Variants in POU2F2 observed in about 807,000 individuals in gnomAD.
POU2F2 encodes POU class 2 homeobox 2.
POU2F2 carries 14 observed loss-of-function variants against 63.5 expected under a neutral mutation model. That is an observed-to-expected ratio of 0.22 (90% confidence interval 0.15 to 0.34). The LOEUF is 0.34. Ranked by LOEUF, POU2F2 falls within the 10% of genes least tolerant of loss-of-function variation. POU2F2 has a pLI of 1.00. For missense variants in POU2F2, 607 were observed against 815.2 expected (o/e 0.74, Z 3.11); for synonymous variants, 306 against 348.6 (o/e 0.88, Z 1.36).
At chr19:42,140,803 T>G (rs986325577) in intron 2 of POU2F2, among the ~76,000 whole-genome samples, 1 of 152,234 alleles carries the variant, frequency 6.6e-6, no homozygotes, top group Non-Finnish European at 1.5e-5. Flanking sequence ...TGGCATATAG[T>G]TGATGCTTGA....
At chr19:42,101,675 T>C (rs2077146632) in intron 5 of POU2F2, among the ~76,000 whole-genome samples, 1 of 152,268 alleles carries the variant, frequency 6.6e-6, no homozygotes. Context: ...CAAACTAATA[T>C]AGGCGCTATC....
At chr19:42,165,128 G>C (rs927154741) in intron 1 of POU2F2, among the ~76,000 whole-genome samples, 6 of 152,162 alleles carry the variant, frequency 3.9e-5, no homozygotes, top group African/African-American at 1.4e-4. Flanking sequence ...TAGGTACTTA[G>C]TGGAGGCACC....
In POU2F2 at chr19:42,090,270, C is replaced by T. The variant is rs1309801161; in HGVS notation, c.*987G>A. ...CAACTGAATGCCCTCAACTGAATGTCTTCATCCCCTCTTGCCTGAAATTTC... is the reference window on the plus strand; with the variant it reads ...CAACTGAATGCCCTCAACTGAATGTTTTCATCCCCTCTTGCCTGAAATTTC... On this transcript the variant is annotated 3_prime_UTR_variant, in exon 15 of 15. Coordinates refer to ENST00000692977, the MANE Select transcript of POU2F2 (RefSeq NM_001394376.1). The surrounding 1 kb of genome is among the most constrained non-coding windows in gnomAD (Gnocchi z 4.4). 1 of 152,390 alleles carries T rather than the reference C, an allele frequency of 6.6e-6. No homozygotes were observed. The highest frequency in any genetic ancestry group is 6.6e-5 in the Admixed American group (1 of 15,258). 9.4% of individuals were successfully genotyped at this position (152,390 alleles called of 1,614,324 possible).
At chr19:42,146,914 C>T (rs552713707) in intron 2 of POU2F2, among the ~76,000 whole-genome samples, 4 of 152,276 alleles carry the variant, frequency 2.6e-5, no homozygotes, top group Admixed American at 6.5e-5. Flanking sequence ...ATTCCAAAAG[C>T]GCTGTCTGAT....
chr19:42,133,923 G>A (rs535892033), upstream of POU2F2, among the ~76,000 whole-genome samples: 3 of 152,270 alleles, frequency 2.0e-5, no homozygotes, highest in East Asian at 5.8e-4. This position sits in a 1 kb window ranked among gnomAD's most constrained non-coding sequence, Gnocchi z 5.1. Context: ...ACCCAGGCAA[G>A]CAGGTGGGCA....
intron 1 of POU2F2, among the ~76,000 whole-genome samples, chr19:42,126,092 G>T (rs1040966246): frequency 2.0e-5 from 3 of 152,138 alleles, no homozygotes; most frequent in Non-Finnish European, 2.9e-5. Context: ...CTTTAAAGAC[G>T]TAATTAAGGT....
At chr19:42,109,928 T>C (rs762844717) in intron 5 of POU2F2, among the ~76,000 whole-genome samples, 6 of 152,178 alleles carry the variant, frequency 3.9e-5, no homozygotes, top group Non-Finnish European at 5.9e-5. Flanking sequence ...TTTTACTCCA[T>C]AAATATATAC....
At position 42,117,455 on chromosome 19, in the gene POU2F2, G is replaced by A. The variant is rs550890280; in HGVS notation, c.187-23C>T. 3.8e-5 allele frequency: 36 copies of A among 939,056 alleles called. No individual in the cohort carries two copies. Among genetic ancestry groups the A allele is most frequent in the South Asian group, 7.5e-5 (5 of 66,344 alleles). 58.2% of individuals were successfully genotyped at this position (939,056 alleles called of 1,614,324 possible). A position where few individuals can be genotyped will look rare whatever the true frequency, so the allele number is the denominator to read the frequency against. On this transcript the variant is annotated intron_variant, in intron 4 of 14. Transcript: ENST00000692977. The surrounding 1 kb of genome is among the most constrained non-coding windows in gnomAD (Gnocchi z 4.4). Reference sequence around the variant, plus strand: ...CACCTGTGAACCAAAGAGAGGGCACGTGTGTGGCAATGGCAATCAGGCTGG... The same window carrying A: ...CACCTGTGAACCAAAGAGAGGGCACATGTGTGGCAATGGCAATCAGGCTGG...
At chr19:42,143,264 T>C (rs2034164779) in intron 2 of POU2F2, among the ~76,000 whole-genome samples, 1 of 152,006 alleles carries the variant, frequency 6.6e-6, no homozygotes, top group South Asian at 2.1e-4. Context: ...CTCAGGAGGC[T>C]AAGGCTTGAA....
chr19:42,163,215 A>G (rs1160188421), intron 1 of POU2F2, among the ~76,000 whole-genome samples: 1 of 152,158 alleles, frequency 6.6e-6, no homozygotes, highest in Non-Finnish European at 1.5e-5. Context: ...ACAAAGGGCC[A>G]TGGGGCTCCC....
chr19:42,168,578 C>A (rs546889195), intron 1 of POU2F2, among the ~76,000 whole-genome samples: 1 of 152,176 alleles, frequency 6.6e-6, no homozygotes, highest in Admixed American at 6.5e-5. Context: ...CCTGGGCTCC[C>A]CACTCAGCAC....
intron 1 of POU2F2, among the ~76,000 whole-genome samples, chr19:42,182,980 A>AG (rs1472076621): frequency 6.6e-6 from 1 of 152,184 alleles, no homozygotes; most frequent in Non-Finnish European, 1.5e-5. Flanking sequence ...CAGAGAAGTG[A>AG]GGGCCTGCTG....
At chr19:42,174,953 T>C (rs911504477) in intron 1 of POU2F2, among the ~76,000 whole-genome samples, 1 of 151,850 alleles carries the variant, frequency 6.6e-6, no homozygotes, top group Non-Finnish European at 1.5e-5. Context: ...AAGTGGGGAG[T>C]GGTCATCAGG....
At chr19:42,099,688 G>C in intron 6 of POU2F2, 28 bp downstream of exon 6, 1 of 1,601,516 alleles carries the variant, frequency 6.2e-7, no homozygotes, top group East Asian at 2.3e-5. Flanking sequence ...GGAGGCGTCA[G>C]GGAGGCCATC....
At chr19:42,170,045 T>C (rs1484118256) in intron 1 of POU2F2, among the ~76,000 whole-genome samples, 1 of 151,734 alleles carries the variant, frequency 6.6e-6, no homozygotes, top group Non-Finnish European at 1.5e-5. Flanking sequence ...AATATGTATT[T>C]GGGGCTGCTG....
At chr19:42,127,765 C>T (rs1330833726) in intron 1 of POU2F2, among the ~76,000 whole-genome samples, 1 of 152,104 alleles carries the variant, frequency 6.6e-6, no homozygotes, top group African/African-American at 2.4e-5. Context: ...ACCCTAGCAC[C>T]TTCCCTTGTC....
At chr19:42,132,791 C>G (rs1406959741), upstream of POU2F2, 1 of 238,504 alleles carries the variant, frequency 4.2e-6, no homozygotes. Context: ...AACAATAAAA[C>G]ACTAGCCAGC....
intron 2 of POU2F2, among the ~76,000 whole-genome samples, chr19:42,149,484 T>C (rs1419387927): frequency 1.3e-5 from 2 of 151,868 alleles, no homozygotes; most frequent in Non-Finnish European, 2.9e-5. Context: ...GTGAAAAGCA[T>C]ACAGCAGGGC....
chr19:42,118,730 A>C (rs1411970699), intron 4 of POU2F2, among the ~76,000 whole-genome samples: 3 of 152,234 alleles, frequency 2.0e-5, no homozygotes, highest in African/African-American at 7.2e-5. Flanking sequence ...AAGCACACAC[A>C]GTGGTGGGAG....
Sources: gnomAD v4.1 joint callset for allele counts (sites outside exome capture counted in the v4.1 genomes callset) on GRCh38, gnomAD v4.1.1 for gene constraint, Gnocchi (gnomAD v3.1) non-coding constraint, MANE v1.5 for transcripts, NCBI Gene and HGNC (gene_info 2026-07-23, HGNC 2026-07-21) for gene names.